SIAH3: variants seen among roughly 807,000 people sequenced by gnomAD.
SIAH3 encodes the protein seven in absentia homolog 3.
A neutral mutation model predicts 12.6 loss-of-function variants in SIAH3; 9 were observed. The observed-to-expected ratio is 0.72, with a 90% CI of 0.43 to 1.25. The LOEUF (loss-of-function observed/expected upper bound fraction) is 1.25. Ranked by LOEUF, SIAH3 falls within the 50% of genes most tolerant of loss-of-function variation. SIAH3 has a pLI of 0.00. For synonymous variants in SIAH3, 154 were observed against 151.1 expected, an observed-to-expected ratio of 1.02 and a Z score of -0.14; for missense variants, 390 against 365.4, an observed-to-expected ratio of 1.07 and a Z score of -0.55.
intron 1 of SIAH3, among the ~76,000 whole-genome samples, chr13:45,805,020 G>A (rs1950594296): frequency 1.4e-5 from 2 of 141,648 alleles, no homozygotes; most frequent in Admixed American, 1.4e-4. Flanking sequence ...AAAATACTTT[G>A]GAATACATCT....
chr13:45,825,021 C>T (rs912998933), intron 1 of SIAH3, among the ~76,000 whole-genome samples: 1 of 151,936 alleles, frequency 6.6e-6, no homozygotes, highest in Admixed American at 6.6e-5. Flanking sequence ...GGTATGCAAA[C>T]GTACGGCAGC....
chr13:45,796,935 TG>T (rs1353519582), intron 1 of SIAH3, among the ~76,000 whole-genome samples: 1 of 152,078 alleles, frequency 6.6e-6, no homozygotes, highest in Non-Finnish European at 1.5e-5. Flanking sequence ...ATCTTAGGCT[TG>T]GGGGGCAGGG....
In SIAH3 at chr13:45,780,154, T is replaced by C. The variant is rs952144183; in HGVS notation, c.*3229A>G. 3.3e-5 allele frequency: 5 copies of C among 152,254 alleles called. No homozygotes were observed. Among genetic ancestry groups the C allele is most frequent in the African/African-American group, 1.2e-4 (5 of 41,446 alleles). The allele number at this position is 152,254 out of a possible 1,614,324, so 9.4% of individuals were successfully genotyped here. On this transcript the variant is annotated 3_prime_UTR_variant, in exon 2 of 2. Transcript: ENST00000400405. Reference sequence around the variant, plus strand: ...CGTTCTGTGCAGGGACTCCTGGGACTCTAAGGTGAGAAACCTGGGTGTGGG... The same window carrying C: ...CGTTCTGTGCAGGGACTCCTGGGACCCTAAGGTGAGAAACCTGGGTGTGGG...
intron 1 of SIAH3, among the ~76,000 whole-genome samples, chr13:45,834,131 A>G (rs1027159357): frequency 1.3e-5 from 2 of 152,204 alleles, no homozygotes; most frequent in Non-Finnish European, 2.9e-5. Context: ...TTTGGGTTGT[A>G]GCAGTCATTA....
intron 1 of SIAH3, among the ~76,000 whole-genome samples, chr13:45,805,472 T>TG (rs1354478766): frequency 6.6e-6 from 1 of 152,130 alleles, no homozygotes; most frequent in Non-Finnish European, 1.5e-5. Context: ...TAACAAGCAA[T>TG]GGGAAAAGGA....
chr13:45,808,735 T>A (rs1462340282), intron 1 of SIAH3, among the ~76,000 whole-genome samples: 1 of 152,102 alleles, frequency 6.6e-6, no homozygotes, highest in Admixed American at 6.5e-5. Flanking sequence ...GAACATTACT[T>A]CATAGGCCCC....
chr13:45,841,757 A>G (rs2117779), intron 1 of SIAH3, among the ~76,000 whole-genome samples: 91,608 of 152,058 alleles, frequency 0.6, 29,348 homozygotes, highest in African/African-American at 0.79. Flanking sequence ...GGTCTGGGAT[A>G]ATGGCTGCAA....
At chr13:45,811,937 G>A (rs2137564613) in intron 1 of SIAH3, among the ~76,000 whole-genome samples, 1 of 152,334 alleles carries the variant, frequency 6.6e-6, no homozygotes, top group East Asian at 1.9e-4. Flanking sequence ...GTTATGAGAA[G>A]GGTTCTGGCC....
intron 1 of SIAH3, among the ~76,000 whole-genome samples, chr13:45,831,931 G>C (rs2137577234): frequency 6.6e-6 from 1 of 152,356 alleles, no homozygotes; most frequent in Admixed American, 6.5e-5. Flanking sequence ...ATAGGTCCTT[G>C]AGAGCATACA....
rs4942438 is a variant in SIAH3, at chr13:45,782,283, T to C, written c.*1100A>G. The C allele has an allele frequency of 0.24, 37,171 of 151,868 alleles. 4,974 individuals carry two copies. Among genetic ancestry groups the C allele is most frequent in the East Asian group, 0.41 (2,116 of 5,130 alleles). 9.4% of individuals were successfully genotyped at this position (151,868 alleles called of 1,614,324 possible). A position where few individuals can be genotyped will look rare whatever the true frequency, so the allele number is the denominator to read the frequency against. On this transcript the variant is annotated 3_prime_UTR_variant, in exon 2 of 2. Transcript: ENST00000400405. ...GCCGTGGTCACGTCTGCGTGCTGAA[T>C]GGGACGGTAGGAGCATTTTAGAAAG...
chr13:45,816,743 C>T (rs986865609), intron 1 of SIAH3, among the ~76,000 whole-genome samples: 1 of 152,222 alleles, frequency 6.6e-6, no homozygotes, highest in Non-Finnish European at 1.5e-5. Context: ...TGCTCCAAGA[C>T]AGCCAATCCA....
At position 45,850,237 on chromosome 13, in the gene SIAH3, C is replaced by T. The variant is rs536519070; in HGVS notation, c.135+1258G>A. ...TGGCCTTGGCATGTAACCCCAGCAGCTCCAGGCAGCTGTCTTTCGGCGGAA... is the reference window on the plus strand; with the variant it reads ...TGGCCTTGGCATGTAACCCCAGCAGTTCCAGGCAGCTGTCTTTCGGCGGAA... On this transcript the variant is annotated intron_variant, in intron 1 of 1. Transcript: ENST00000400405. Among the ~76,000 whole-genome samples the T allele has an allele frequency of 1.1e-4, 16 of 152,250 alleles. No homozygotes were observed. In the East Asian group the frequency reaches 2.9e-3, roughly 28 times the overall value.
intron 1 of SIAH3, among the ~76,000 whole-genome samples, chr13:45,813,338 G>C (rs1488411943): frequency 2.0e-5 from 3 of 152,202 alleles, no homozygotes. Context: ...GAAAGAGGCT[G>C]TCTGGCCTCC....
chr13:45,839,225 CTTT>C (rs11285230), intron 1 of SIAH3, among the ~76,000 whole-genome samples: 1 of 149,204 alleles, frequency 6.7e-6, no homozygotes, highest in Non-Finnish European at 1.5e-5. Context: ...TTCTCCTCTT[CTTT>C]TTTTTTTTTA....
At chr13:45,785,473 C>T (rs1206585423) in intron 1 of SIAH3, among the ~76,000 whole-genome samples, 1 of 152,218 alleles carries the variant, frequency 6.6e-6, no homozygotes, top group Non-Finnish European at 1.5e-5. Flanking sequence ...CCCCTGACTT[C>T]CTGTGGCTAA....
intron 1 of SIAH3, among the ~76,000 whole-genome samples, 173 bp downstream of exon 1, chr13:45,851,322 T>C (rs1950780822): frequency 6.6e-6 from 1 of 151,864 alleles, no homozygotes; most frequent in South Asian, 2.1e-4. Flanking sequence ...CAGCACCCAA[T>C]CACCTAGAGA....
At chr13:45,840,283 G>A (rs994556433) in intron 1 of SIAH3, among the ~76,000 whole-genome samples, 1 of 152,058 alleles carries the variant, frequency 6.6e-6, no homozygotes, top group African/African-American at 2.4e-5. Flanking sequence ...GAAACCACAA[G>A]CTAAACTCTG....
At chr13:45,838,033 T>C (rs907171742) in intron 1 of SIAH3, among the ~76,000 whole-genome samples, 3 of 152,216 alleles carry the variant, frequency 2.0e-5, no homozygotes, top group Non-Finnish European at 4.4e-5. Flanking sequence ...TGGTGTAAAT[T>C]GCCTCAAACT....
chr13:45,819,894 G>T (rs1335149807), intron 1 of SIAH3, among the ~76,000 whole-genome samples: 1 of 152,214 alleles, frequency 6.6e-6, no homozygotes, highest in Admixed American at 6.5e-5. Flanking sequence ...AACAGAAAGG[G>T]GTTCCTCACA....
Sources: gnomAD v4.1 joint callset for allele counts (sites outside exome capture counted in the v4.1 genomes callset) on GRCh38, gnomAD v4.1.1 for gene constraint, MANE v1.5 for transcripts, NCBI Gene and HGNC (gene_info 2026-07-23, HGNC 2026-07-21) for gene names.